Variants in IREB2 observed in about 807,000 individuals in gnomAD.
IREB2 encodes the protein iron-responsive element-binding protein 2.
A neutral mutation model predicts 118.8 loss-of-function variants in IREB2; 39 were observed. That is an observed-to-expected ratio of 0.33 (90% CI 0.25 to 0.43). The LOEUF is 0.43. IREB2 is among the 20% of genes least tolerant of loss of function. The pLI is 1.00. For synonymous variants in IREB2, 372 were observed against 392.2 expected (o/e 0.95, Z 0.61); for missense variants, 900 against 1,147.3 (o/e 0.78, Z 3.11).
intron 20 of IREB2, among the ~76,000 whole-genome samples, chr15:78,495,460 T>A (rs889998508): frequency 6.6e-6 from 1 of 152,192 alleles, no homozygotes; most frequent in Non-Finnish European, 1.5e-5. Context: ...TGTCAGTTAC[T>A]GGGCCTTACT....
At chr15:78,438,200 C>G, upstream of IREB2, 5 of 691,338 alleles carry the variant, frequency 7.2e-6, no homozygotes, top group Non-Finnish European at 1.3e-5. Context: ...CTCTGCTGCT[C>G]TCGCGATATT....
intron 14 of IREB2, 93 bp downstream of exon 14, chr15:78,487,910 T>C (rs2051687820): frequency 3.7e-6 from 3 of 813,590 alleles, no homozygotes; most frequent in African/African-American, 1.7e-5. Flanking sequence ...GTGTTTATAT[T>C]TCTGTAAACT....
At chr15:78,464,062 C>T (rs1327983038) in intron 3 of IREB2, among the ~76,000 whole-genome samples, 3 of 152,188 alleles carry the variant, frequency 2.0e-5, no homozygotes, top group African/African-American at 7.2e-5. Context: ...TTATTTCTTT[C>T]CATCTCTATC....
chr15:78,474,061 A>G (rs901851984), intron 8 of IREB2: 34 of 152,234 alleles, frequency 2.2e-4, no homozygotes, highest in African/African-American at 8.0e-4. Flanking sequence ...CAGAACTTCA[A>G]TACATACACT....
chr15:78,490,383 A>G (rs373259742), intron 16 of IREB2, 39 bp from the exon 17 acceptor site: 3 of 1,351,082 alleles, frequency 2.2e-6, no homozygotes, highest in African/African-American at 1.5e-5. Flanking sequence ...GAGTCCTTTT[A>G]TCTTTGCTTT....
In IREB2 at chr15:78,473,388, T is replaced by TA. The variant is rs2051411768; in HGVS notation, c.1023+10dup. ...TGTTCTTGGTATTACAAAGGTAAGT[T>TA]AAAGTTGTGGTAGCTCTATGACTTA... On this transcript the variant is annotated splice_region_variant and intron_variant, in intron 8 of 21. Transcript: ENST00000258886. The TA allele has an allele frequency of 6.2e-6, 10 of 1,611,658 alleles. No individual in the cohort carries two copies. Among genetic ancestry groups the TA allele is most frequent in the Non-Finnish European group, 8.5e-6 (10 of 1,178,296 alleles).
At chr15:78,438,022 G>A (rs1193436109), upstream of IREB2, among the ~76,000 whole-genome samples, 1 of 152,184 alleles carries the variant, frequency 6.6e-6, no homozygotes, top group Non-Finnish European at 1.5e-5. Flanking sequence ...CCACGCCAAC[G>A]CCCCCACTGG....
At chr15:78,455,697 GA>G (rs1219503800) in intron 2 of IREB2, among the ~76,000 whole-genome samples, 3 of 152,174 alleles carry the variant, frequency 2.0e-5, no homozygotes, top group African/African-American at 7.2e-5. Context: ...GGGTTAAATG[GA>G]ATAATTTATA....
chr15:78,480,180 A>C (rs1431171038), intron 10 of IREB2: 2 of 152,248 alleles, frequency 1.3e-5, no homozygotes, highest in African/African-American at 4.8e-5. Context: ...AAATGAATCC[A>C]TATAGGACCC....
rs1224017664 is a variant in IREB2, at chr15:78,438,301, T to A, written c.-37T>A. 1.9e-6 allele frequency: 3 copies of A among 1,556,644 alleles called. No homozygotes were observed. Among genetic ancestry groups the A allele is most frequent in the East Asian group, 4.7e-5 (2 of 42,912 alleles). Reference sequence around the variant, plus strand: ...CCCGGCCTCCCCCTTCTTCCCCCGCTGGCCCCCTCCCCGGAGGGATAATAT... The same window carrying A: ...CCCGGCCTCCCCCTTCTTCCCCCGCAGGCCCCCTCCCCGGAGGGATAATAT... On this transcript the variant is annotated 5_prime_UTR_variant, in exon 1 of 22. Coordinates refer to ENST00000258886, the MANE Select transcript of IREB2 (RefSeq NM_004136.4).
At chr15:78,448,957 G>A (rs1260893621) in intron 2 of IREB2, among the ~76,000 whole-genome samples, 1 of 152,116 alleles carries the variant, frequency 6.6e-6, no homozygotes, top group African/African-American at 2.4e-5. Flanking sequence ...CTTGAACTTG[G>A]AATTTTCCAT....
intron 10 of IREB2, chr15:78,479,919 T>TA (rs369360169): frequency 0.31 from 42,669 of 135,616 alleles, 7,066 homozygotes; most frequent in African/African-American, 0.45. Context: ...AGACAGTGTC[T>TA]AAAAAAAAAA....
intron 2 of IREB2, among the ~76,000 whole-genome samples, chr15:78,449,934 T>A (rs2656073): frequency 1.3e-5 from 2 of 152,112 alleles, no homozygotes; most frequent in Non-Finnish European, 2.9e-5. Flanking sequence ...TAAATTACCA[T>A]CATCCCAGTT....
chr15:78,445,174 G>T (rs1361372854), intron 2 of IREB2, among the ~76,000 whole-genome samples: 1 of 142,522 alleles, frequency 7.0e-6, no homozygotes, highest in African/African-American at 2.6e-5. Context: ...GTCTTGCTGT[G>T]TTGCCCAGGC....
chr15:78,466,418 C>G lies in IREB2; in HGVS notation c.558C>G (p.Asn186Lys). 1 of 1,614,184 alleles carries G rather than the reference C, an allele frequency of 6.2e-7. No homozygotes were observed. The highest frequency in any genetic ancestry group is 8.5e-7 in the Non-Finnish European group (1 of 1,180,020). The change falls in exon 5 of 22, where the codon AAC becomes AAG. Residue 186 changes from asparagine (N) to lysine (K), a missense_variant. Asn to Lys is a moderately conservative substitution (Grantham distance 94, BLOSUM62 0). Coordinates refer to ENST00000258886, the MANE Select transcript of IREB2 (RefSeq NM_004136.4). ...GSCDSGELGR[N>K]SGTFSSQIEN... Reference sequence around the variant, plus strand: ...GTGATTCTGGAGAACTAGGCCGAAACTCAGGAACATTTTCTTCGCAGATTG... The same window carrying G: ...GTGATTCTGGAGAACTAGGCCGAAAGTCAGGAACATTTTCTTCGCAGATTG...
chr15:78,448,341 C>T (rs2050965395), intron 2 of IREB2, among the ~76,000 whole-genome samples: 1 of 152,060 alleles, frequency 6.6e-6, no homozygotes, highest in African/African-American at 2.4e-5. Context: ...GATGCGGTTT[C>T]ACCATGTTGG....
At chr15:78,465,512 A>G (rs2051267349) in intron 4 of IREB2, 124 bp downstream of exon 4, 3 of 856,504 alleles carry the variant, frequency 3.5e-6, no homozygotes, top group African/African-American at 3.4e-5. Context: ...AGTATTGGCT[A>G]GTATATAAAA....
chr15:78,458,357 GT>G, intron 2 of IREB2, among the ~76,000 whole-genome samples: 1 of 152,190 alleles, frequency 6.6e-6, no homozygotes, highest in Non-Finnish European at 1.5e-5. Context: ...GGTGGGGAAT[GT>G]TGATAGTGTG....
At chr15:78,463,121 C>CTT (rs745917325) in intron 3 of IREB2, 34 bp downstream of exon 3, 9 of 1,520,110 alleles carry the variant, frequency 5.9e-6, no homozygotes, top group Non-Finnish European at 8.0e-6. Flanking sequence ...TGAATGAACT[C>CTT]TTAGAGTGTG....
Sources: gnomAD v4.1 joint callset for allele counts (sites outside exome capture counted in the v4.1 genomes callset) on GRCh38, gnomAD v4.1.1 for gene constraint, MANE v1.5 for transcripts, NCBI Gene and HGNC (gene_info 2026-07-23, HGNC 2026-07-21) for gene names.